The following ABLIM1 variants were observed in gnomAD, a reference collection of about 807,000 sequenced individuals.
ABLIM1 encodes the protein actin-binding LIM protein 1.
A neutral mutation model predicts 107.0 loss-of-function variants in ABLIM1; 40 were observed. The observed-to-expected ratio is 0.37, with a 90% CI of 0.29 to 0.49. The LOEUF (loss-of-function observed/expected upper bound fraction) is 0.49, where lower values mean the gene tolerates loss of function less well. Ranked by LOEUF, ABLIM1 falls within the 20% of genes least tolerant of loss-of-function variation. The pLI, the probability that ABLIM1 is intolerant of heterozygous loss-of-function variation, is 0.97. For missense variants in ABLIM1, 857 were observed against 1,008.5 expected, an observed-to-expected ratio of 0.85 and a Z score of 2.04; for synonymous variants, 357 against 357.3, an observed-to-expected ratio of 1.00 and a Z score of 0.01.
chr10:114,556,984 A>G (rs1246761614), intron 4 of ABLIM1, among the ~76,000 whole-genome samples: 1 of 152,220 alleles, frequency 6.6e-6, no homozygotes, highest in Non-Finnish European at 1.5e-5. Flanking sequence ...ACTACTTTTT[A>G]GCTTCTGAAA....
chr10:114,483,566 C>T (rs2057720275), intron 8 of ABLIM1, among the ~76,000 whole-genome samples: 2 of 152,170 alleles, frequency 1.3e-5, no homozygotes, highest in African/African-American at 4.8e-5. Context: ...CATGAGCCAC[C>T]ATGTCCAGCC....
At chr10:114,569,476 C>T (rs1031643622) in intron 4 of ABLIM1, among the ~76,000 whole-genome samples, 1 of 151,974 alleles carries the variant, frequency 6.6e-6, no homozygotes, top group African/African-American at 2.4e-5. Context: ...CCCGCCACCA[C>T]GCTCGGCTAA....
At chr10:114,785,211 G>A in the ABLIM1 span, among the ~76,000 whole-genome samples, 14 of 152,248 alleles carry the variant, frequency 9.2e-5, no homozygotes, top group South Asian at 2.1e-4. Context: ...TGCTACCTTC[G>A]AAACTCATGT....
At chr10:114,532,492 C>A (rs2065559404) in intron 6 of ABLIM1, among the ~76,000 whole-genome samples, 1 of 152,212 alleles carries the variant, frequency 6.6e-6, no homozygotes, top group African/African-American at 2.4e-5. Flanking sequence ...GACGAGGAGG[C>A]AGCCTGTCCA....
intron 1 of ABLIM1, among the ~76,000 whole-genome samples, chr10:114,722,340 C>G (rs910826449): frequency 6.6e-6 from 1 of 152,102 alleles, no homozygotes; most frequent in African/African-American, 2.4e-5. Flanking sequence ...TTTAAACAAC[C>G]AGATCTCGTG....
rs2138810213 is a variant in ABLIM1, at chr10:114,433,609, G to A, written c.*2651C>T. 1 of 152,304 alleles carries A rather than the reference G, an allele frequency of 6.6e-6. No homozygotes were observed. The highest frequency in any genetic ancestry group is 3.4e-3 in the Middle Eastern group (1 of 294). 9.4% of individuals were successfully genotyped at this position (152,304 alleles called of 1,614,324 possible). On this transcript the variant is annotated 3_prime_UTR_variant, in exon 23 of 23. Transcript: ENST00000533213. ...TTCTTCTCAAGTTGGATGCAGAACT[G>A]AGTTTAAAAGATACAAGGAAAGCAG...
In ABLIM1 at chr10:114,675,492, G is replaced by C. The variant is rs148758605; in HGVS notation, c.64+8798C>G. ...CTTTGCTCCTCCTTCGCCTTCTGCC[G>C]TGATTGTGAGGCCTCCTCAGCCATG... On this transcript the variant is annotated intron_variant, in intron 1 of 23. Transcript: ENST00000369256. Among the ~76,000 whole-genome samples the C allele has an allele frequency of 5.5e-4, 84 of 152,266 alleles. 3 individuals carry two copies. In the East Asian group the frequency reaches 0.014, roughly 25 times the overall value.
intron 4 of ABLIM1, among the ~76,000 whole-genome samples, chr10:114,556,235 C>A (rs1052179405): frequency 4.6e-5 from 7 of 152,146 alleles, no homozygotes; most frequent in Non-Finnish European, 8.8e-5. Flanking sequence ...CTCATTCTAT[C>A]CGAAAGAGAA....
intron 1 of ABLIM1, among the ~76,000 whole-genome samples, chr10:114,694,766 C>T (rs941311126): frequency 2.0e-5 from 3 of 152,010 alleles, no homozygotes; most frequent in Non-Finnish European, 4.4e-5. Context: ...CATGAAAAGT[C>T]AAAATGAAAT....
chr10:114,527,113 T>C (rs534306696), intron 6 of ABLIM1, among the ~76,000 whole-genome samples: 1 of 152,346 alleles, frequency 6.6e-6, no homozygotes, highest in Non-Finnish European at 1.5e-5. Flanking sequence ...CATAAGCTTG[T>C]ACTGAAACGA....
chr10:114,491,012 G>GTGTGTGTGTGTGTGTGTATATATATATA, intron 7 of ABLIM1, among the ~76,000 whole-genome samples: 60 of 92,356 alleles, frequency 6.5e-4, no homozygotes, highest in African/African-American at 2.6e-3. Flanking sequence ...GTGTGTGTGT[G>GTGTGTGTGTGTGTGTGTATATATATATA]TATATATATA....
At chr10:114,539,926 A>G (rs1044915079) in intron 6 of ABLIM1, among the ~76,000 whole-genome samples, 2 of 152,212 alleles carry the variant, frequency 1.3e-5, no homozygotes, top group Non-Finnish European at 2.9e-5. Flanking sequence ...AGAAGTTTGG[A>G]GAAAAGACGG....
At chr10:114,594,077 T>C (rs928063694) in intron 2 of ABLIM1, among the ~76,000 whole-genome samples, 3 of 152,222 alleles carry the variant, frequency 2.0e-5, no homozygotes, top group Non-Finnish European at 4.4e-5. Context: ...TAAGATTCTC[T>C]AGATAGGTAA....
intron 1 of ABLIM1, among the ~76,000 whole-genome samples, chr10:114,721,251 AGGTGAGCTTCACCTCT>A (rs895703174): frequency 5.9e-5 from 9 of 152,188 alleles, no homozygotes; most frequent in Non-Finnish European, 1.3e-4. Context: ...ACTCCCTGAC[AGGTGAGCTTCACCTCT>A]GGGAGTGGAG....
rs1268956089 is a variant in ABLIM1, at chr10:114,690,556, A to G, written c.-213+77505T>C. 2.6e-6 allele frequency: 3 copies of G among 1,163,226 alleles called. No homozygotes were observed. In the East Asian group the frequency reaches 7.0e-5, roughly 27 times the overall value. 72.1% of individuals were successfully genotyped at this position (1,163,226 alleles called of 1,614,324 possible). Reference sequence around the variant, plus strand: ...CGAAGGTTTTCTGCTGTCTTTGGAAACTTGTCTGCAAACAGCTCAAAGGAG... The same window carrying G: ...CGAAGGTTTTCTGCTGTCTTTGGAAGCTTGTCTGCAAACAGCTCAAAGGAG... On this transcript the variant is annotated intron_variant, in intron 1 of 15. Coordinates refer to the ABLIM1 transcript ENST00000651092.
chr10:114,728,093 A>G (rs1487506795), intron 1 of ABLIM1, among the ~76,000 whole-genome samples: 1 of 152,250 alleles, frequency 6.6e-6, no homozygotes, highest in East Asian at 1.9e-4. Context: ...AGATACTAAT[A>G]GTCGGTTCAC....
At chr10:114,514,590 G>A (rs2062509422) in intron 6 of ABLIM1, among the ~76,000 whole-genome samples, 1 of 152,100 alleles carries the variant, frequency 6.6e-6, no homozygotes, top group Admixed American at 6.5e-5. Context: ...TGTTTCCCAG[G>A]CTGGTCTCAA....
intron 2 of ABLIM1, among the ~76,000 whole-genome samples, chr10:114,594,052 C>A (rs950985291): frequency 5.3e-5 from 8 of 152,178 alleles, no homozygotes; most frequent in African/African-American, 1.9e-4. Flanking sequence ...GCCTTTTAAT[C>A]AGTTTGTGAA....
chr10:114,468,935 C>T (rs1290710199), intron 10 of ABLIM1, among the ~76,000 whole-genome samples: 1 of 151,744 alleles, frequency 6.6e-6, no homozygotes, highest in Non-Finnish European at 1.5e-5. Flanking sequence ...GCCTGTAGTC[C>T]CAGCTACTTG....
Sources: gnomAD v4.1 joint callset for allele counts (sites outside exome capture counted in the v4.1 genomes callset) on GRCh38, gnomAD v4.1.1 for gene constraint, MANE v1.5 for transcripts, NCBI Gene and HGNC (gene_info 2026-07-23, HGNC 2026-07-21) for gene names.